The following ADCY8 variants were observed in gnomAD, a reference collection of about 807,000 sequenced individuals.
The protein encoded by ADCY8 is adenylate cyclase 8.
ADCY8 carries 51 observed loss-of-function variants against 119.7 expected under a neutral mutation model. The ratio of observed to expected loss-of-function variants is 0.43; its 90% CI spans 0.34 to 0.54. ADCY8 has a LOEUF of 0.54. ADCY8 is among the 20% of genes least tolerant of loss of function. The probability of loss-of-function intolerance (pLI) is 0.03; values close to 1 mark genes in which losing one functional copy is unlikely to be tolerated. For missense variants in ADCY8, 1,383 were observed against 1,598.8 expected, an observed-to-expected ratio of 0.87 and a Z score of 2.30; for synonymous variants, 665 against 651.0, an observed-to-expected ratio of 1.02 and a Z score of -0.33.
At chr8:130,995,831 G>T (rs978603700) in intron 1 of ADCY8, among the ~76,000 whole-genome samples, 1 of 152,046 alleles carries the variant, frequency 6.6e-6, no homozygotes, top group African/African-American at 2.4e-5. Context: ...TTATTTGCTT[G>T]CTTGGTTACT....
At chr8:130,948,696 GT>G (rs1821180579) in intron 3 of ADCY8, among the ~76,000 whole-genome samples, 1 of 149,992 alleles carries the variant, frequency 6.7e-6, no homozygotes, top group Non-Finnish European at 1.5e-5. Context: ...GCACCAGGCA[GT>G]TTACCATGAA....
At chr8:130,884,519 C>T (rs1171879588) in intron 8 of ADCY8, 45 bp downstream of exon 8, 1 of 1,599,604 alleles carries the variant, frequency 6.3e-7, no homozygotes, top group South Asian at 1.1e-5. Context: ...GAACATCTAC[C>T]ACAATTTACT....
At chr8:131,022,521 A>G (rs900387931) in intron 1 of ADCY8, among the ~76,000 whole-genome samples, 1 of 152,152 alleles carries the variant, frequency 6.6e-6, no homozygotes, top group Non-Finnish European at 1.5e-5. Flanking sequence ...CCAGTCTATC[A>G]TTGATGGGCA....
chr8:130,924,795 T>C (rs1820412931), intron 5 of ADCY8, among the ~76,000 whole-genome samples: 2 of 152,218 alleles, frequency 1.3e-5, no homozygotes, highest in South Asian at 2.1e-4. Flanking sequence ...GCTGCAGACA[T>C]ACTTAGTTCT....
In ADCY8 at chr8:130,806,792, C is replaced by T. The variant is rs572210182; in HGVS notation, c.2914-6220G>A. 6.6e-5 allele frequency among the ~76,000 whole-genome samples: 10 copies of T among 152,224 alleles called. No homozygotes were observed. In the South Asian group the frequency reaches 1.7e-3, roughly 25 times the overall value. On this transcript the variant is annotated intron_variant, in intron 14 of 17. Transcript: ENST00000286355. The stretch of plus-strand genomic sequence containing the variant: ...ATCCCTCACCTGGGTGCCTGAGGGC[C>T]TAGCAGGTCACAGATGTAACCCATG...
At chr8:130,782,739 G>A (rs145407744) in intron 17 of ADCY8, among the ~76,000 whole-genome samples, 233 of 152,270 alleles carry the variant, frequency 1.5e-3, no homozygotes, top group African/African-American at 3.6e-3. Flanking sequence ...TAAAATATAA[G>A]CCCTTTAATG....
At chr8:130,934,201 T>G (rs1164325724) in intron 5 of ADCY8, among the ~76,000 whole-genome samples, 2 of 152,208 alleles carry the variant, frequency 1.3e-5, no homozygotes, top group Non-Finnish European at 2.9e-5. Flanking sequence ...TGTTCTTGCA[T>G]TGCTATAAAG....
chr8:131,039,376 G>T lies in ADCY8; in HGVS notation c.958C>A (p.Gln320Lys). Reference sequence around the variant, plus strand: ...AATGCAAGGCAGGCAGGAGTTACCTGGTTGATGGAAATGACCGCCAGCCGG... The same window carrying T: ...AATGCAAGGCAGGCAGGAGTTACCTTGTTGATGGAAATGACCGCCAGCCGG... ...IPRLAVISIN[Q>K]VVAQAVLFMC... The change falls in exon 1 of 18, where the codon CAG becomes AAG. Residue 320 changes from glutamine (Q) to lysine (K), a missense_variant and splice_region_variant. Physicochemically the swap from Gln to Lys is moderately conservative, Grantham distance 53. Around this residue, in one of 2 missense-constraint regions of ADCY8, gnomAD observed 455 missense variants for 435.3 expected, o/e 1.05. Coordinates refer to ENST00000286355, the MANE Select transcript of ADCY8 (RefSeq NM_001115.3). 1.2e-6 allele frequency: 2 copies of T among 1,612,458 alleles called. No individual in the cohort carries two copies. Among genetic ancestry groups the T allele is most frequent in the South Asian group, 1.1e-5 (1 of 91,032 alleles).
At chr8:130,808,618 A>T (rs1160042395) in intron 14 of ADCY8, among the ~76,000 whole-genome samples, 3 of 152,156 alleles carry the variant, frequency 2.0e-5, no homozygotes, top group Admixed American at 1.3e-4. Flanking sequence ...AACCCACAGC[A>T]CTGGGGTTTT....
chr8:131,024,518 G>A (rs1823766851), intron 1 of ADCY8, among the ~76,000 whole-genome samples: 1 of 152,164 alleles, frequency 6.6e-6, no homozygotes, highest in South Asian at 2.1e-4. Flanking sequence ...GACTATTCAG[G>A]CTGTGTAAAT....
Position 130,825,102 on chromosome 8 carries a change from G to A in ADCY8, c.2676-3682C>T, listed in dbSNP as rs575014259. Among the ~76,000 whole-genome samples the A allele has an allele frequency of 4.6e-5, 7 of 152,236 alleles. No homozygotes were observed. The South Asian group carries it at 1.5e-3, about 32-fold the overall frequency. ...ATTGTACATATTTATAGGGCACAGA[G>A]CGATGTTTCAATACATGTGTACTAT... is the stretch of plus-strand genomic sequence containing the variant. On this transcript the variant is annotated intron_variant, in intron 12 of 17. Coordinates refer to ENST00000286355, the MANE Select transcript of ADCY8 (RefSeq NM_001115.3).
intron 5 of ADCY8, among the ~76,000 whole-genome samples, chr8:130,924,229 A>C (rs1586575500): frequency 6.6e-6 from 1 of 152,174 alleles, no homozygotes; most frequent in African/African-American, 2.4e-5. Context: ...TGGCAGAGGC[A>C]CCTGACAGCC....
chr8:130,884,796 G>A, intron 7 of ADCY8, 35 bp from the exon 8 acceptor site: 2 of 1,588,028 alleles, frequency 1.3e-6, no homozygotes, highest in South Asian at 1.1e-5. Context: ...CAATAAACCT[G>A]CTAGTCCCCT....
At chr8:130,812,763 G>A (rs1484066445) in intron 14 of ADCY8, among the ~76,000 whole-genome samples, 1 of 152,130 alleles carries the variant, frequency 6.6e-6, no homozygotes, top group Non-Finnish European at 1.5e-5. Context: ...GCTAGGCAAT[G>A]GGCTAAGAAG....
At chr8:130,846,893 TTCCTTCCTTCCTTCC>T (rs1817343876) in intron 11 of ADCY8, among the ~76,000 whole-genome samples, 2 of 49,906 alleles carry the variant, frequency 4.0e-5, no homozygotes, top group Non-Finnish European at 8.7e-5. Context: ...TTCCCTTTCC[TTCCTTCCTTCCTTCC>T]TTCCTTCCTT....
intron 1 of ADCY8, among the ~76,000 whole-genome samples, chr8:131,024,408 C>A (rs377152520): frequency 4.2e-4 from 64 of 152,254 alleles, no homozygotes; most frequent in African/African-American, 1.5e-3. Flanking sequence ...CAGTGACTAA[C>A]CTATAGCAGG....
At position 130,794,250 on chromosome 8, in the gene ADCY8, G is replaced by A. The variant is rs1274254782; in HGVS notation, c.3060+6176C>T. ...GCATTCTGGATTTGTTTGTTTGTTC[G>A]TTTGTTTGTTTTGAGACAGAGTCTT... On this transcript the variant is annotated intron_variant, in intron 15 of 17. Transcript: ENST00000286355. 3.4e-5 allele frequency among the ~76,000 whole-genome samples: 5 copies of A among 148,068 alleles called. No homozygotes were observed. The East Asian group carries it at 7.4e-4, about 22-fold the overall frequency.
chr8:131,040,385 G>A lies in ADCY8; in HGVS notation c.-52C>T, dbSNP rs1586680006. On this transcript the variant is annotated 5_prime_UTR_variant, in exon 1 of 18. Transcript: ENST00000286355. The stretch of plus-strand genomic sequence containing the variant: ...CAGAACCTTGGGGAGGCAGCCGGAG[G>A]AGGGGTTCCTAAAGACTCAAAGGCG... 2.8e-6 allele frequency: 4 copies of A among 1,439,100 alleles called. No homozygotes were observed. In the South Asian group the frequency reaches 6.3e-5, roughly 23 times the overall value. The allele number at this position is 1,439,100 out of a possible 1,614,324, so 89.1% of individuals were successfully genotyped here.
chr8:130,804,238 T>C (rs1014554699), intron 14 of ADCY8, among the ~76,000 whole-genome samples: 10 of 152,312 alleles, frequency 6.6e-5, no homozygotes, highest in African/African-American at 2.2e-4. Context: ...TTTCTCACAA[T>C]TGGAGAGGCT....
Sources: allele counts gnomAD v4.1 joint callset (sites outside exome capture counted in the v4.1 genomes callset), GRCh38; gene constraint gnomAD v4.1.1; regional missense constraint gnomAD v4.1.1; transcripts MANE v1.5; gene names NCBI Gene and HGNC (gene_info 2026-07-23, HGNC 2026-07-21).